The following SPTLC2 variants were observed in gnomAD, a reference collection of about 807,000 sequenced individuals.
SPTLC2 encodes the protein serine palmitoyltransferase 2.
SPTLC2 carries 21 observed loss-of-function variants against 62.0 expected under a neutral mutation model. The ratio of observed to expected loss-of-function variants is 0.34; its 90% CI spans 0.24 to 0.49. The LOEUF is 0.49. SPTLC2 is among the 20% of genes least tolerant of loss of function. SPTLC2 has a pLI of 0.99. For missense variants in SPTLC2, 511 were observed against 713.0 expected (o/e 0.72, Z 3.23); for synonymous variants, 261 against 261.8 (o/e 1.00, Z 0.03).
intron 9 of SPTLC2, among the ~76,000 whole-genome samples, chr14:77,535,196 G>A (rs945802489): frequency 3.3e-5 from 5 of 152,128 alleles, no homozygotes; most frequent in Non-Finnish European, 7.3e-5. Context: ...CAAAGTGCTA[G>A]GATTACAGCT....
intron 9 of SPTLC2, among the ~76,000 whole-genome samples, chr14:77,551,587 T>C (rs558304615): frequency 1.2e-4 from 18 of 152,216 alleles, no homozygotes; most frequent in Non-Finnish European, 1.9e-4. Flanking sequence ...CTGTTCACAG[T>C]AGTATGTTTA....
rs578103543 is a variant in SPTLC2 at position 77,526,911 on chromosome 14, CAG to C, written c.1304-5332_1304-5331del. ...CTGGGTTCACGCCATTCTCCTGCCT[CAG>C]ACTCCCGAGTAGCTGGGACTGCAGC... On this transcript the variant is annotated intron_variant, in intron 9 of 11. Coordinates refer to ENST00000216484, the MANE Select transcript of SPTLC2 (RefSeq NM_004863.4). Among the ~76,000 whole-genome samples, 475 of 151,372 alleles carry C rather than the reference CAG, an allele frequency of 3.1e-3. 5 individuals carry two copies. Among genetic ancestry groups the C allele is most frequent in the African/African-American group, 0.011 (464 of 41,238 alleles).
At chr14:77,599,632 A>C (rs1219636128) in intron 1 of SPTLC2, among the ~76,000 whole-genome samples, 1 of 152,260 alleles carries the variant, frequency 6.6e-6, no homozygotes, top group East Asian at 1.9e-4. Flanking sequence ...AAAACTATTC[A>C]CAAACTCATT....
intron 4 of SPTLC2, among the ~76,000 whole-genome samples, chr14:77,576,420 G>C (rs2079716051): frequency 6.6e-6 from 1 of 152,190 alleles, no homozygotes; most frequent in South Asian, 2.1e-4. Flanking sequence ...TATGAAAGCA[G>C]ATTAACTCTC....
chr14:77,544,322 G>T (rs1259608697), intron 9 of SPTLC2, among the ~76,000 whole-genome samples: 3 of 152,080 alleles, frequency 2.0e-5, no homozygotes, highest in African/African-American at 7.2e-5. Flanking sequence ...CCAGCCTAAG[G>T]TTTTCTTTTC....
At chr14:77,518,291 T>C in intron 10 of SPTLC2, 124 bp from the exon 11 acceptor site, 1 of 1,424,688 alleles carries the variant, frequency 7.0e-7, no homozygotes, top group East Asian at 2.5e-5. Flanking sequence ...CTAATAGGAG[T>C]TTCCTTTAAC....
intron 3 of SPTLC2, among the ~76,000 whole-genome samples, chr14:77,578,085 C>T (rs942306340): frequency 2.1e-4 from 32 of 152,114 alleles, no homozygotes; most frequent in African/African-American, 7.5e-4. Context: ...GTGGAGGTTG[C>T]AGTGGGCTAA....
chr14:77,571,337 T>C (rs529740980), intron 4 of SPTLC2, among the ~76,000 whole-genome samples: 120 of 152,056 alleles, frequency 7.9e-4, no homozygotes, highest in Non-Finnish European at 1.4e-3. Context: ...TGGTGAAACC[T>C]TGTCTCTACT....
intron 9 of SPTLC2, among the ~76,000 whole-genome samples, chr14:77,523,041 G>A (rs948692129): frequency 6.6e-6 from 1 of 152,208 alleles, no homozygotes; most frequent in Non-Finnish European, 1.5e-5. Context: ...CCTAGTGTGA[G>A]CACTGAAGAG....
At chr14:77,532,938 C>G (rs1461855329) in intron 9 of SPTLC2, among the ~76,000 whole-genome samples, 2 of 152,024 alleles carry the variant, frequency 1.3e-5, no homozygotes, top group East Asian at 3.8e-4. Context: ...TAAAATGACA[C>G]CACCATAGTA....
intron 2 of SPTLC2, among the ~76,000 whole-genome samples, chr14:77,589,719 G>A (rs559432034): frequency 1.5e-3 from 234 of 152,108 alleles, no homozygotes; most frequent in African/African-American, 5.4e-3. Flanking sequence ...AAGCCCGGGA[G>A]GCAGAGGTTG....
intron 9 of SPTLC2, among the ~76,000 whole-genome samples, chr14:77,526,431 T>C (rs1018392578): frequency 5.9e-5 from 9 of 152,234 alleles, no homozygotes; most frequent in Admixed American, 5.9e-4. Context: ...CAGAATTCTT[T>C]CCTACTTTTC....
chr14:77,550,918 G>GAAAAA (rs11452479), intron 9 of SPTLC2, among the ~76,000 whole-genome samples: 1 of 138,876 alleles, frequency 7.2e-6, no homozygotes. Context: ...ACAAAAACCA[G>GAAAAA]AAAAAAAAAA....
chr14:77,533,549 CAGTT>C (rs1023503643), intron 9 of SPTLC2, among the ~76,000 whole-genome samples: 7 of 152,096 alleles, frequency 4.6e-5, no homozygotes, highest in African/African-American at 1.7e-4. Context: ...TACACGCAAG[CAGTT>C]AGTTTCGGGA....
chr14:77,525,862 C>T (rs899331266), intron 9 of SPTLC2, among the ~76,000 whole-genome samples: 4 of 151,684 alleles, frequency 2.6e-5, no homozygotes, highest in African/African-American at 9.7e-5. Flanking sequence ...TGCAGTGAGC[C>T]GAGATTATGC....
intron 9 of SPTLC2, among the ~76,000 whole-genome samples, chr14:77,527,584 A>G (rs2079415416): frequency 6.6e-6 from 1 of 152,196 alleles, no homozygotes; most frequent in African/African-American, 2.4e-5. Flanking sequence ...ATCAAGTCTT[A>G]ATCCAAATTT....
Position 77,590,495 on chromosome 14 carries a change from A to C in SPTLC2, c.327+6691T>G, listed in dbSNP as rs529814517. Among the ~76,000 whole-genome samples, 3 of 152,242 alleles carry C rather than the reference A, an allele frequency of 2.0e-5. No homozygotes were observed. In the East Asian group the frequency reaches 5.8e-4, roughly 30 times the overall value. On this transcript the variant is annotated intron_variant, in intron 2 of 11. Coordinates refer to ENST00000216484, the MANE Select transcript of SPTLC2 (RefSeq NM_004863.4). ...GGAGGCCGAGGTGGGCAGATAGATA[A>C]ACATGAGCCCAGGAGTTCAAGACCA... is the stretch of plus-strand genomic sequence containing the variant.
intron 10 of SPTLC2, among the ~76,000 whole-genome samples, chr14:77,521,023 T>C (rs1293483647): frequency 6.6e-6 from 1 of 152,258 alleles, no homozygotes; most frequent in Non-Finnish European, 1.5e-5. Context: ...GACCACCCTA[T>C]TTAATAGTGT....
At chr14:77,517,968 G>T in intron 11 of SPTLC2, 70 bp downstream of exon 11, 2 of 1,598,380 alleles carry the variant, frequency 1.3e-6, no homozygotes, top group South Asian at 1.1e-5. Context: ...AATATATTAT[G>T]AATTTCATCT....
Sources: allele counts gnomAD v4.1 joint callset (sites outside exome capture counted in the v4.1 genomes callset), GRCh38; gene constraint gnomAD v4.1.1; transcripts MANE v1.5; gene names NCBI Gene and HGNC (gene_info 2026-07-23, HGNC 2026-07-21).